GAPVD1: variants seen among roughly 807,000 people sequenced by gnomAD.
The protein encoded by GAPVD1 is GTPase-activating protein and VPS9 domain-containing protein 1.
Under a neutral mutation model 155.5 loss-of-function variants are expected in GAPVD1, and 35 were observed. The ratio of observed to expected loss-of-function variants is 0.23; its 90% CI spans 0.17 to 0.30. The LOEUF (loss-of-function observed/expected upper bound fraction) is 0.30. GAPVD1 is among the 10% of genes least tolerant of loss of function. GAPVD1 has a pLI of 1.00. For missense variants in GAPVD1, 1,429 were observed against 1,775.7 expected (o/e 0.80, Z 3.51); for synonymous variants, 636 against 619.7 (o/e 1.03, Z -0.39).
At chr9:125,322,453 A>G (rs1283448608) in intron 10 of GAPVD1, among the ~76,000 whole-genome samples, 1 of 152,120 alleles carries the variant, frequency 6.6e-6, no homozygotes, top group Non-Finnish European at 1.5e-5. Flanking sequence ...TTTTAATCTG[A>G]CTTTTCCAAA....
chr9:125,307,669 T>G (rs1276484370), intron 7 of GAPVD1, 22 bp from the exon 8 acceptor site: 2 of 1,600,982 alleles, frequency 1.2e-6, no homozygotes, highest in Non-Finnish European at 8.6e-7. Flanking sequence ...TTTCATTAGC[T>G]AATGTTCTTT....
At chr9:125,336,114 C>A (rs1295180497) in intron 15 of GAPVD1, among the ~76,000 whole-genome samples, 1 of 147,090 alleles carries the variant, frequency 6.8e-6, no homozygotes, top group African/African-American at 2.5e-5. Context: ...CACTGCACTC[C>A]AGCCAGGGTG....
In GAPVD1 at chr9:125,363,269, A is replaced by G. The variant is rs1288867022; in HGVS notation, c.*523A>G. ...AGAAGGAAATGTAAATATAATATAT[A>G]TTTATATTTGATGTAATATGGACAT... On this transcript the variant is annotated 3_prime_UTR_variant, in exon 28 of 28. Transcript: ENST00000297933. 6.6e-6 allele frequency: 1 copy of G among 152,110 alleles called. No individual in the cohort carries two copies. The highest frequency in any genetic ancestry group is 2.4e-5 in the African/African-American group (1 of 41,428). The allele number at this position is 152,110 out of a possible 1,614,324, so 9.4% of individuals were successfully genotyped here. A position where few individuals can be genotyped will look rare whatever the true frequency, so the allele number is the denominator to read the frequency against.
intron 2 of GAPVD1, among the ~76,000 whole-genome samples, chr9:125,278,990 T>G (rs1197059334): frequency 1.3e-5 from 2 of 152,034 alleles, no homozygotes; most frequent in Non-Finnish European, 1.5e-5. Flanking sequence ...GGAGGGCAGA[T>G]CATCTGAGGT....
intron 17 of GAPVD1, 149 bp downstream of exon 17, chr9:125,337,740 A>G (rs1374645576): frequency 3.6e-6 from 3 of 830,126 alleles, no homozygotes; most frequent in Non-Finnish European, 5.5e-6. Context: ...GCCCACAACC[A>G]TAACCGCAGG....
intron 2 of GAPVD1, among the ~76,000 whole-genome samples, chr9:125,279,170 C>G (rs1836307456): frequency 6.6e-6 from 1 of 150,884 alleles, no homozygotes; most frequent in South Asian, 2.1e-4. Flanking sequence ...CGAGATCACA[C>G]CACTGCACTC....
chr9:125,312,999 T>C (rs1047972510), intron 9 of GAPVD1, among the ~76,000 whole-genome samples: 1 of 152,146 alleles, frequency 6.6e-6, no homozygotes, highest in Non-Finnish European at 1.5e-5. Flanking sequence ...TTTGTATTTT[T>C]AGTAGAGACA....
intron 15 of GAPVD1, 59 bp downstream of exon 15, chr9:125,332,688 A>C (rs755216293): frequency 1.9e-4 from 275 of 1,431,058 alleles, no homozygotes; most frequent in Non-Finnish European, 2.3e-4. Context: ...TGAAACTGGC[A>C]CTGTGACACA....
chr9:125,265,603 G>A (rs1188967099), intron 1 of GAPVD1, among the ~76,000 whole-genome samples: 17 of 148,734 alleles, frequency 1.1e-4, no homozygotes, highest in African/African-American at 4.2e-4. Context: ...TGTAGAGACG[G>A]GGTTTCACCA....
intron 19 of GAPVD1, among the ~76,000 whole-genome samples, chr9:125,343,170 C>T (rs1848057161): frequency 6.6e-6 from 1 of 151,610 alleles, no homozygotes; most frequent in African/African-American, 2.4e-5. Context: ...AAACTTAAAA[C>T]AGTATGAGAT....
At chr9:125,300,735 T>C (rs1328196019) in intron 4 of GAPVD1, among the ~76,000 whole-genome samples, 1 of 152,080 alleles carries the variant, frequency 6.6e-6, no homozygotes, top group East Asian at 1.9e-4. Context: ...GGTGCATGTA[T>C]GTGTAAAAAT....
At chr9:125,337,155 C>T (rs1847153264) in intron 16 of GAPVD1, 60 bp downstream of exon 16, 15 of 1,602,776 alleles carry the variant, frequency 9.4e-6, no homozygotes, top group Admixed American at 3.3e-5. Flanking sequence ...AAACCAAATC[C>T]CCTTGTTAAT....
chr9:125,281,099 G>A (rs1486291872), intron 2 of GAPVD1, among the ~76,000 whole-genome samples: 1 of 152,150 alleles, frequency 6.6e-6, no homozygotes, highest in Non-Finnish European at 1.5e-5. Flanking sequence ...TTTTTAGTGT[G>A]ATAAACACCA....
chr9:125,315,373 T>G (rs1291764103), intron 9 of GAPVD1, among the ~76,000 whole-genome samples: 1 of 152,224 alleles, frequency 6.6e-6, no homozygotes, highest in African/African-American at 2.4e-5. Context: ...AGAAAAAGAC[T>G]GCTGAATTTT....
In GAPVD1 at chr9:125,266,120, A is replaced by G. The variant is rs1833907504; in HGVS notation, c.-198-2816A>G. Among the ~76,000 whole-genome samples the G allele has an allele frequency of 3.1e-5, 4 of 129,808 alleles. No individual in the cohort carries two copies. The Admixed American group carries it at 3.2e-4, about 10-fold the overall frequency. 85.2% of individuals were successfully genotyped at this position (129,808 alleles called of 152,430 possible). On this transcript the variant is annotated intron_variant, in intron 1 of 27. Transcript: ENST00000297933. ...GGGAGGTAGTGGCAAAGGGGATGAT[A>G]TCTATAATTTTTTTTTTTTTTTTGA...
chr9:125,338,974 T>G (rs1847453858), intron 17 of GAPVD1, among the ~76,000 whole-genome samples: 1 of 151,414 alleles, frequency 6.6e-6, no homozygotes, highest in African/African-American at 2.4e-5. Flanking sequence ...TATTTTTTGT[T>G]GTTGTTGTGG....
In GAPVD1 at chr9:125,363,038, A is replaced by G. The variant is rs1199339963; in HGVS notation, c.*292A>G. 1 of 174,516 alleles carries G rather than the reference A, an allele frequency of 5.7e-6. No homozygotes were observed. The highest frequency in any genetic ancestry group is 1.5e-4 in the East Asian group (1 of 6,786). 10.8% of individuals were successfully genotyped at this position (174,516 alleles called of 1,614,324 possible). A position where few individuals can be genotyped will look rare whatever the true frequency, so the allele number is the denominator to read the frequency against. On this transcript the variant is annotated 3_prime_UTR_variant, in exon 28 of 28. Coordinates refer to ENST00000297933, the MANE Select transcript of GAPVD1 (RefSeq NM_001282680.3). Reference sequence around the variant, plus strand: ...TATTTCTAAGTATAAAAAACAAAACAAAAATCTCTTAGGAAATGTCTAGAC... The same window carrying G: ...TATTTCTAAGTATAAAAAACAAAACGAAAATCTCTTAGGAAATGTCTAGAC...
chr9:125,267,834 C>G (rs1834221809), intron 1 of GAPVD1, among the ~76,000 whole-genome samples: 1 of 152,136 alleles, frequency 6.6e-6, no homozygotes, highest in South Asian at 2.1e-4. Flanking sequence ...GGATTACAGG[C>G]GTGAGCCACT....
At chr9:125,317,909 T>C (rs540933904) in intron 9 of GAPVD1, among the ~76,000 whole-genome samples, 3 of 152,246 alleles carry the variant, frequency 2.0e-5, no homozygotes, top group African/African-American at 7.2e-5. Context: ...CAACAGCAGA[T>C]TTGTACAGGC....
Sources: allele counts gnomAD v4.1 joint callset (sites outside exome capture counted in the v4.1 genomes callset), GRCh38; gene constraint gnomAD v4.1.1; transcripts MANE v1.5; gene names NCBI Gene and HGNC (gene_info 2026-07-23, HGNC 2026-07-21).